The following RNF6 variants were observed in gnomAD, a reference collection of about 807,000 sequenced individuals.
RNF6 encodes ring finger protein 6.
A neutral mutation model predicts 50.1 loss-of-function variants in RNF6; 21 were observed. The ratio of observed to expected loss-of-function variants is 0.42; its 90% CI spans 0.30 to 0.60. The LOEUF (loss-of-function observed/expected upper bound fraction) is 0.60. Among genes scored for constraint, RNF6 ranks in the 20% least tolerant of loss-of-function variants. The probability of loss-of-function intolerance (pLI) is 0.20; values close to 1 mark genes in which losing one functional copy is unlikely to be tolerated. For missense variants in RNF6, 698 were observed against 838.2 expected, an observed-to-expected ratio of 0.83 and a Z score of 2.07; for synonymous variants, 255 against 291.8, an observed-to-expected ratio of 0.87 and a Z score of 1.29.
chr13:26,205,104 C>T (rs1869056458), intron 5 of RNF6, among the ~76,000 whole-genome samples: 2 of 152,182 alleles, frequency 1.3e-5, no homozygotes, highest in Admixed American at 1.3e-4. Flanking sequence ...GACCATGGCT[C>T]ATCATTTTGT....
Position 26,132,519 on chromosome 13 carries a change from G to C in RNF6, n.769-68C>G, listed in dbSNP as rs1304053422. ...TAATGTACTATGTTTAAACTTCCAT[G>C]TCTTTAGTAATTAATAAAAGATTAT... On this transcript the variant is annotated intron_variant and non_coding_transcript_variant, in intron 5 of 5. Transcript: ENST00000468480. 6.8e-6 allele frequency: 3 copies of C among 440,856 alleles called. No homozygotes were observed. In the East Asian group the frequency reaches 2.1e-4, roughly 31 times the overall value. 27.3% of individuals were successfully genotyped at this position (440,856 alleles called of 1,614,324 possible).
chr13:26,195,200 G>A (rs1868612009), intron 5 of RNF6, among the ~76,000 whole-genome samples: 1 of 152,164 alleles, frequency 6.6e-6, no homozygotes, highest in Non-Finnish European at 1.5e-5. Flanking sequence ...AAGCAGGGAT[G>A]GAAATCCTAA....
intron 5 of RNF6, among the ~76,000 whole-genome samples, chr13:26,185,378 G>A (rs1404958416): frequency 5.9e-5 from 9 of 152,006 alleles, no homozygotes; most frequent in Non-Finnish European, 1.3e-4. Context: ...ATATATATAT[G>A]AGCATGCATT....
intron 4 of RNF6, among the ~76,000 whole-genome samples, chr13:26,216,277 G>A (rs988109841): frequency 1.3e-5 from 2 of 152,080 alleles, no homozygotes; most frequent in African/African-American, 4.8e-5. Flanking sequence ...AAAATAAGAC[G>A]CTATATATAA....
Position 26,215,124 on chromosome 13 carries a change from G to C in RNF6, c.758C>G (p.Thr253Ser). 6.2e-7 allele frequency: 1 copy of C among 1,614,174 alleles called. No individual in the cohort carries two copies. The highest frequency in any genetic ancestry group is 8.5e-7 in the Non-Finnish European group (1 of 1,180,036). Reference sequence around the variant, plus strand: ...TTGGTTTGTGTGACTACTGAAATTAGTGCGTGAAGCGTTAGCTCGAGGAAT... The same window carrying C: ...TTGGTTTGTGTGACTACTGAAATTACTGCGTGAAGCGTTAGCTCGAGGAAT... ...AGIPRANASR[T>S]NFSSHTNQSG... The change falls in exon 5 of 5, where the codon ACT (threonine) becomes AGT (serine). Residue 253 changes from threonine to serine, a missense_variant. Transcript: ENST00000381588.
rs571741491 is a variant in RNF6 at position 26,218,507 on chromosome 13, G to A, written c.289+4C>T. ...TGTTCCTTATGGAAAGGACTCCATA[G>A]TACCTCTGTAATTCGTTCCATCTCT... On this transcript the variant is annotated splice_donor_region_variant and intron_variant, in intron 4 of 4. Transcript: ENST00000381588. 15 of 1,610,206 alleles carry A rather than the reference G, an allele frequency of 9.3e-6. No homozygotes were observed. Among genetic ancestry groups the A allele is most frequent in the Middle Eastern group, 1.6e-4 (1 of 6,072 alleles).
chr13:26,151,424 A>G (rs1226215175), intron 5 of RNF6, among the ~76,000 whole-genome samples: 2 of 151,980 alleles, frequency 1.3e-5, no homozygotes, highest in Non-Finnish European at 2.9e-5. Flanking sequence ...CACCACGCCC[A>G]GCTAATTTTT....
chr13:26,197,352 C>G (rs1868705939), intron 5 of RNF6, among the ~76,000 whole-genome samples: 1 of 151,932 alleles, frequency 6.6e-6, no homozygotes, highest in Non-Finnish European at 1.5e-5. Flanking sequence ...ATACATGTAT[C>G]TCCTACAACT....
intron 5 of RNF6, among the ~76,000 whole-genome samples, chr13:26,190,237 C>T (rs1334666597): frequency 6.6e-6 from 1 of 152,158 alleles, no homozygotes; most frequent in Non-Finnish European, 1.5e-5. Flanking sequence ...TCTGAGGACA[C>T]GTGAATAGAT....
chr13:26,137,485 G>C (rs1376420203), intron 5 of RNF6, among the ~76,000 whole-genome samples: 1 of 151,824 alleles, frequency 6.6e-6, no homozygotes, highest in Non-Finnish European at 1.5e-5. Flanking sequence ...TGAGATAAAA[G>C]CAATCAATAG....
At chr13:26,163,233 A>C (rs1872297086) in intron 5 of RNF6, among the ~76,000 whole-genome samples, 2 of 151,726 alleles carry the variant, frequency 1.3e-5, no homozygotes. Context: ...AATGGCGTGA[A>C]CCCGGGAGGC....
intron 5 of RNF6, among the ~76,000 whole-genome samples, chr13:26,205,842 T>C (rs1347996141): frequency 6.6e-6 from 1 of 152,082 alleles, no homozygotes; most frequent in Non-Finnish European, 1.5e-5. Flanking sequence ...CGAAACCCTG[T>C]CTCTACAAAA....
chr13:26,151,545 G>A (rs900667755), intron 5 of RNF6, among the ~76,000 whole-genome samples: 3 of 151,538 alleles, frequency 2.0e-5, no homozygotes, highest in Non-Finnish European at 1.5e-5. Context: ...TTATAGGCGC[G>A]AGCCACCGCG....
intron 5 of RNF6, among the ~76,000 whole-genome samples, chr13:26,204,895 C>G (rs1046619839): frequency 1.3e-5 from 2 of 152,200 alleles, no homozygotes; most frequent in African/African-American, 2.4e-5. Context: ...ATCTGCCGCT[C>G]TCTCTGATCT....
At chr13:26,203,707 A>T (rs529246171) in intron 5 of RNF6, among the ~76,000 whole-genome samples, 1 of 152,236 alleles carries the variant, frequency 6.6e-6, no homozygotes, top group Non-Finnish European at 1.5e-5. Flanking sequence ...CACGCCTGTA[A>T]TCCCAGCACT....
intron 5 of RNF6, among the ~76,000 whole-genome samples, chr13:26,205,648 C>A (rs1000863951): frequency 6.6e-6 from 1 of 152,190 alleles, no homozygotes; most frequent in Non-Finnish European, 1.5e-5. Flanking sequence ...AAGACACAAA[C>A]AACTCTACTA....
intron 5 of RNF6, among the ~76,000 whole-genome samples, chr13:26,144,128 C>T (rs756008518): frequency 6.7e-6 from 1 of 149,542 alleles, no homozygotes; most frequent in Non-Finnish European, 1.5e-5. Flanking sequence ...ACATTGGGCA[C>T]TCAGTGACGG....
At chr13:26,142,422 C>T (rs1871005502) in intron 5 of RNF6, 1 of 152,188 alleles carries the variant, frequency 6.6e-6, no homozygotes, top group African/African-American at 2.4e-5. Context: ...CACATGTACT[C>T]TTATGTTCAT....
At chr13:26,134,163 G>T (rs1870531534) in intron 5 of RNF6, among the ~76,000 whole-genome samples, 1 of 152,178 alleles carries the variant, frequency 6.6e-6, no homozygotes, top group Non-Finnish European at 1.5e-5. Context: ...TACTTTCCTG[G>T]CATGAAGGAA....
Sources: gnomAD v4.1 joint callset for allele counts (sites outside exome capture counted in the v4.1 genomes callset) on GRCh38, gnomAD v4.1.1 for gene constraint, MANE v1.5 for transcripts, NCBI Gene and HGNC (gene_info 2026-07-23, HGNC 2026-07-21) for gene names.